The following ARMC1 variants were observed in gnomAD, a reference collection of about 807,000 sequenced individuals.
ARMC1 encodes the protein armadillo repeat-containing protein 1.
In ARMC1, 16 loss-of-function variants were observed where a neutral mutation model predicts 31.4. The ratio of observed to expected loss-of-function variants is 0.51; its 90% CI spans 0.34 to 0.77. The LOEUF is 0.77. Among genes scored for constraint, ARMC1 ranks in the 30% least tolerant of loss-of-function variants. ARMC1 has a pLI of 0.01. For missense variants in ARMC1, 259 were observed against 347.5 expected (o/e 0.75, Z 2.02); for synonymous variants, 114 against 118.9 (o/e 0.96, Z 0.27).
In ARMC1 at chr8:65,627,412, C is replaced by A; in HGVS notation, c.-14G>T. 6.5e-7 allele frequency: 1 copy of A among 1,538,776 alleles called. No individual in the cohort carries two copies. Among genetic ancestry groups the A allele is most frequent in the Non-Finnish European group, 8.8e-7 (1 of 1,140,578 alleles). ...GGAAGAATTCATCTTCTATGCCATGCACATGAATAAAATCTTAAATTCTGT... is the reference window on the plus strand; with the variant it reads ...GGAAGAATTCATCTTCTATGCCATGAACATGAATAAAATCTTAAATTCTGT... On this transcript the variant is annotated 5_prime_UTR_variant, in exon 2 of 7. Transcript: ENST00000276569.
chr8:65,623,300 T>C (rs1585716787), intron 2 of ARMC1, among the ~76,000 whole-genome samples: 1 of 3,886 alleles, frequency 2.6e-4, no homozygotes. Context: ...AGAGCAAGAC[T>C]CCGTCTCAAA....
intron 1 of ARMC1, among the ~76,000 whole-genome samples, chr8:65,630,617 G>A (rs376925435): frequency 2.0e-4 from 30 of 152,278 alleles, no homozygotes; most frequent in African/African-American, 7.0e-4. Context: ...TCAGGAGTTT[G>A]CGACCAGCCT....
intron 4 of ARMC1, among the ~76,000 whole-genome samples, chr8:65,608,622 C>A (rs1241765116): frequency 6.6e-6 from 1 of 152,074 alleles, no homozygotes; most frequent in Admixed American, 6.6e-5. Flanking sequence ...AGTTATTTGA[C>A]CATTCTAAAC....
intron 2 of ARMC1, among the ~76,000 whole-genome samples, chr8:65,624,837 A>G (rs577669163): frequency 6.6e-6 from 1 of 151,972 alleles, no homozygotes; most frequent in African/African-American, 2.4e-5. Context: ...AACACACCCA[A>G]TGGCCAGGCA....
intron 1 of ARMC1, among the ~76,000 whole-genome samples, chr8:65,629,327 T>C (rs1241198077): frequency 6.6e-6 from 1 of 152,090 alleles, no homozygotes; most frequent in Non-Finnish European, 1.5e-5. Context: ...AAATGCTGCA[T>C]ATTGTTGCTT....
chr8:65,613,869 AGAATCACTT>A (rs1441631188), intron 3 of ARMC1, among the ~76,000 whole-genome samples: 1 of 151,852 alleles, frequency 6.6e-6, no homozygotes, highest in Non-Finnish European at 1.5e-5. Context: ...CTGAGAGAGG[AGAATCACTT>A]GAACCCGGGA....
chr8:65,622,467 G>T, intron 2 of ARMC1, 113 bp from the exon 3 acceptor site: 1 of 766,964 alleles, frequency 1.3e-6, no homozygotes, highest in Non-Finnish European at 2.1e-6. Context: ...TTTGTTTTTA[G>T]AATAAAATCC....
At chr8:65,620,799 T>TAAAAAAAAAAAAAAAA (rs112946805) in intron 3 of ARMC1, among the ~76,000 whole-genome samples, 9 of 139,158 alleles carry the variant, frequency 6.5e-5, no homozygotes, top group Admixed American at 2.2e-4. Context: ...TAGTTCCATT[T>TAAAAAAAAAAAAAAAA]AAAAAAAAAC....
At chr8:65,610,776 C>A (rs535596992) in intron 4 of ARMC1, among the ~76,000 whole-genome samples, 1 of 152,112 alleles carries the variant, frequency 6.6e-6, no homozygotes, top group Non-Finnish European at 1.5e-5. Context: ...TTATTTATGG[C>A]ATGACTTTTA....
At chr8:65,631,390 A>G (rs987025226) in intron 1 of ARMC1, among the ~76,000 whole-genome samples, 10 of 152,180 alleles carry the variant, frequency 6.6e-5, no homozygotes, top group Non-Finnish European at 1.2e-4. Context: ...GCCTGCCACC[A>G]TGCCCGGCTA....
rs559742500 is a variant in ARMC1, at chr8:65,628,975, G to A, written c.-35-1542C>T. 3.3e-5 allele frequency among the ~76,000 whole-genome samples: 5 copies of A among 152,148 alleles called. No individual in the cohort carries two copies. In the South Asian group the frequency reaches 1.0e-3, roughly 32 times the overall value. ...TCAAGACCAGCCTGGTCAACATGGTGAAACCCTGTCTCTACTAAAAATACA... is the reference window on the plus strand; with the variant it reads ...TCAAGACCAGCCTGGTCAACATGGTAAAACCCTGTCTCTACTAAAAATACA... On this transcript the variant is annotated intron_variant, in intron 1 of 6. Transcript: ENST00000276569.
At chr8:65,631,249 G>T (rs570078816) in intron 1 of ARMC1, among the ~76,000 whole-genome samples, 1 of 151,912 alleles carries the variant, frequency 6.6e-6, no homozygotes, top group Non-Finnish European at 1.5e-5. Context: ...TGAATTTTTG[G>T]GGGGGAACAG....
chr8:65,611,766 T>C (rs1468627340), intron 4 of ARMC1, among the ~76,000 whole-genome samples: 3 of 152,100 alleles, frequency 2.0e-5, no homozygotes, highest in African/African-American at 7.2e-5. Context: ...TTATTACACT[T>C]TCACTTTTTT....
At chr8:65,615,349 G>A (rs1391861786) in intron 3 of ARMC1, among the ~76,000 whole-genome samples, 4 of 146,794 alleles carry the variant, frequency 2.7e-5, no homozygotes, top group African/African-American at 1.0e-4. Context: ...CCAAGAACAA[G>A]TTATAAAGAG....
At chr8:65,629,476 C>T (rs951086440) in intron 1 of ARMC1, among the ~76,000 whole-genome samples, 2 of 152,062 alleles carry the variant, frequency 1.3e-5, no homozygotes, top group Admixed American at 6.6e-5. Flanking sequence ...TTTTTGACAT[C>T]TATTGCACAA....
In ARMC1 at chr8:65,604,327, A is replaced by G. The variant is rs1807954781; in HGVS notation, c.*67T>C. ...TAACTTATTGCAAATTGCACTTGAC[A>G]GTTCACCACAACAATGGAAAACTGG... is the stretch of plus-strand genomic sequence containing the variant. On this transcript the variant is annotated 3_prime_UTR_variant, in exon 7 of 7. Coordinates refer to ENST00000276569, the MANE Select transcript of ARMC1 (RefSeq NM_018120.6). 6.9e-7 allele frequency: 1 copy of G among 1,454,372 alleles called. No individual in the cohort carries two copies. Among genetic ancestry groups the G allele is most frequent in the African/African-American group, 1.4e-5 (1 of 70,700 alleles). The allele number at this position is 1,454,372 out of a possible 1,614,324, so 90.1% of individuals were successfully genotyped here.
chr8:65,616,596 C>A (rs1440122229), intron 3 of ARMC1, among the ~76,000 whole-genome samples: 1 of 150,946 alleles, frequency 6.6e-6, no homozygotes. Flanking sequence ...GGCCGCCCAT[C>A]GTCTGGGATG....
chr8:65,630,774 G>C (rs1242522621), intron 1 of ARMC1, among the ~76,000 whole-genome samples: 1 of 151,894 alleles, frequency 6.6e-6, no homozygotes, highest in Non-Finnish European at 1.5e-5. Context: ...AGCCGAGATA[G>C]TGCCATTGCA....
chr8:65,614,339 G>T (rs1585708032), intron 3 of ARMC1, among the ~76,000 whole-genome samples: 1 of 152,096 alleles, frequency 6.6e-6, no homozygotes, highest in East Asian at 1.9e-4. Flanking sequence ...TAATCTTTCT[G>T]CAATGATAGA....
Sources: gnomAD v4.1 joint callset for allele counts (sites outside exome capture counted in the v4.1 genomes callset) on GRCh38, gnomAD v4.1.1 for gene constraint, MANE v1.5 for transcripts, NCBI Gene and HGNC (gene_info 2026-07-23, HGNC 2026-07-21) for gene names.